TTC7B: variants seen among roughly 807,000 people sequenced by gnomAD.
TTC7B encodes tetratricopeptide repeat protein 7B.
A neutral mutation model predicts 106.8 loss-of-function variants in TTC7B; 28 were observed. The ratio of observed to expected loss-of-function variants is 0.26; its 90% CI spans 0.19 to 0.36. TTC7B has a LOEUF of 0.36. Ranked by LOEUF, TTC7B falls within the 10% of genes least tolerant of loss-of-function variation. The probability of loss-of-function intolerance (pLI) is 1.00; values close to 1 mark genes in which losing one functional copy is unlikely to be tolerated. For missense variants in TTC7B, 862 were observed against 1,076.4 expected (o/e 0.80, Z 2.79); for synonymous variants, 405 against 430.6 (o/e 0.94, Z 0.74).
At chr14:90,592,881 G>A (rs552844092) in intron 18 of TTC7B, among the ~76,000 whole-genome samples, 2 of 152,202 alleles carry the variant, frequency 1.3e-5, no homozygotes, top group Admixed American at 6.5e-5. Context: ...ATTACAGAGA[G>A]AGCCATCAGA....
At chr14:90,619,023 C>T (rs1193092336) in intron 15 of TTC7B, among the ~76,000 whole-genome samples, 1 of 152,244 alleles carries the variant, frequency 6.6e-6, no homozygotes, top group Non-Finnish European at 1.5e-5. Flanking sequence ...CCTGCCTCAG[C>T]CTCCTGAGTA....
At chr14:90,658,794 C>T (rs1886060741) in intron 9 of TTC7B, among the ~76,000 whole-genome samples, 1 of 152,192 alleles carries the variant, frequency 6.6e-6, no homozygotes, top group Admixed American at 6.5e-5. Context: ...TTCCCCAGCC[C>T]AGCCCCACTA....
intron 15 of TTC7B, among the ~76,000 whole-genome samples, chr14:90,632,688 A>G (rs1159694758): frequency 2.0e-5 from 3 of 152,238 alleles, no homozygotes; most frequent in Non-Finnish European, 4.4e-5. Context: ...ACGAGCACAG[A>G]TGGCGAGGCC....
chr14:90,636,721 T>C (rs959494466), intron 15 of TTC7B, among the ~76,000 whole-genome samples: 1 of 151,932 alleles, frequency 6.6e-6, no homozygotes, highest in African/African-American at 2.4e-5. Flanking sequence ...AGTTAAAAGC[T>C]CATAACAAAA....
chr14:90,793,422 G>T (rs893843130), intron 1 of TTC7B, among the ~76,000 whole-genome samples: 8 of 151,240 alleles, frequency 5.3e-5, no homozygotes, highest in Non-Finnish European at 1.2e-4. Context: ...TACTCAGGAG[G>T]CTGAGGCAGG....
intron 6 of TTC7B, among the ~76,000 whole-genome samples, 167 bp downstream of exon 6, chr14:90,695,322 ACACATATATGT>A: frequency 7.4e-6 from 1 of 134,664 alleles, no homozygotes; most frequent in East Asian, 2.2e-4. Flanking sequence ...TATATTTATA[ACACATATATGT>A]CACATATATT....
chr14:90,731,007 A>T (rs1889304047), intron 4 of TTC7B, among the ~76,000 whole-genome samples: 1 of 152,144 alleles, frequency 6.6e-6, no homozygotes. Context: ...GTGCAGTGGC[A>T]CAATCTCAGC....
rs1238864282 is a variant in TTC7B, at chr14:90,745,871, A to AT, written c.446-950dup. Among the ~76,000 whole-genome samples the AT allele has an allele frequency of 2.4e-3, 343 of 144,530 alleles. 1 individual carries two copies. The highest frequency in any genetic ancestry group is 7.1e-3 in the African/African-American group (282 of 39,538). 94.8% of individuals were successfully genotyped at this position (144,530 alleles called of 152,430 possible). A position where few individuals can be genotyped will look rare whatever the true frequency, so the allele number is the denominator to read the frequency against. ...GGGCGCATTCCACCACACCTGGCCA[A>AT]TTTTTTTTTTTAGTAGAGATGGGGT... On this transcript the variant is annotated intron_variant, in intron 3 of 19. Coordinates refer to ENST00000328459, the MANE Select transcript of TTC7B (RefSeq NM_001010854.2).
chr14:90,777,270 T>TAAAA, intron 3 of TTC7B, among the ~76,000 whole-genome samples: 1 of 152,064 alleles, frequency 6.6e-6, no homozygotes, highest in African/African-American at 2.4e-5. Flanking sequence ...AAAGAGTGAA[T>TAAAA]GAGATACTGG....
intron 1 of TTC7B, among the ~76,000 whole-genome samples, chr14:90,813,075 G>A (rs2030990310): frequency 6.6e-6 from 1 of 151,274 alleles, no homozygotes; most frequent in African/African-American, 2.4e-5. Flanking sequence ...GGCCTATCAG[G>A]CCCCGCCACT....
At chr14:90,694,160 G>A (rs560237664) in intron 6 of TTC7B, among the ~76,000 whole-genome samples, 7 of 152,146 alleles carry the variant, frequency 4.6e-5, no homozygotes, top group South Asian at 2.1e-4. Flanking sequence ...CCAGCTACTC[G>A]GAGGCTGGGG....
intron 3 of TTC7B, chr14:90,766,796 A>C (rs1890696110): frequency 3.2e-6 from 5 of 1,578,124 alleles, no homozygotes; most frequent in Non-Finnish European, 2.6e-6. Context: ...ACACAGAAGG[A>C]TGTAAAGGAT....
At chr14:90,770,411 C>T (rs1368037445) in intron 3 of TTC7B, among the ~76,000 whole-genome samples, 1 of 152,122 alleles carries the variant, frequency 6.6e-6, no homozygotes, top group East Asian at 1.9e-4. Context: ...AATCCCATCA[C>T]TTTAGGAGGC....
At chr14:90,672,261 A>C (rs1886662239) in intron 9 of TTC7B, among the ~76,000 whole-genome samples, 1 of 152,246 alleles carries the variant, frequency 6.6e-6, no homozygotes, top group Non-Finnish European at 1.5e-5. Context: ...TCTTCTGTCC[A>C]CAAAAGCTTC....
Position 90,529,163 on chromosome 14 carries a change from C to T in TTC7B, c.*12205G>A, listed in dbSNP as rs541115615. 21 of 152,314 alleles carry T rather than the reference C, an allele frequency of 1.4e-4. No homozygotes were observed. Among genetic ancestry groups the T allele is most frequent in the African/African-American group, 4.6e-4 (19 of 41,508 alleles). 9.4% of individuals were successfully genotyped at this position (152,314 alleles called of 1,614,324 possible). ...GGCGTGACCTGACTGCGCTTTGTTA[C>T]CTGTTTCTGATGGCGTGACCTGACT... On this transcript the variant is annotated 3_prime_UTR_variant, in exon 20 of 20. Coordinates refer to ENST00000328459, the MANE Select transcript of TTC7B (RefSeq NM_001010854.2).
chr14:90,720,024 CT>C (rs35375863), intron 5 of TTC7B, among the ~76,000 whole-genome samples: 34,363 of 144,466 alleles, frequency 0.24, 4,287 homozygotes, highest in East Asian at 0.46. Context: ...ATGCACAGAC[CT>C]TTTTTTTTTT....
chr14:90,681,241 A>AT (rs1167781197), intron 7 of TTC7B, among the ~76,000 whole-genome samples: 1 of 152,148 alleles, frequency 6.6e-6, no homozygotes, highest in Non-Finnish European at 1.5e-5. Context: ...CAATTGCAGC[A>AT]TTTTTTCTCC....
At chr14:90,799,917 C>G (rs2030146466) in intron 1 of TTC7B, among the ~76,000 whole-genome samples, 1 of 152,090 alleles carries the variant, frequency 6.6e-6, no homozygotes, top group South Asian at 2.1e-4. Context: ...GCAACCTCCG[C>G]CTCCTGGGGT....
chr14:90,560,902 A>G (rs779858219), intron 19 of TTC7B, among the ~76,000 whole-genome samples: 69 of 152,260 alleles, frequency 4.5e-4, no homozygotes, highest in Non-Finnish European at 8.5e-4. Flanking sequence ...TATATCAGGC[A>G]GCAGGTAAAG....
Sources: gnomAD v4.1 joint callset for allele counts (sites outside exome capture counted in the v4.1 genomes callset) on GRCh38, gnomAD v4.1.1 for gene constraint, MANE v1.5 for transcripts, NCBI Gene and HGNC (gene_info 2026-07-23, HGNC 2026-07-21) for gene names.